CEP85L: variants seen among roughly 807,000 people sequenced by gnomAD.
The protein encoded by CEP85L is centrosomal protein of 85 kDa-like.
CEP85L carries 60 observed loss-of-function variants against 100.3 expected under a neutral mutation model. The observed-to-expected ratio is 0.60, with a 90% CI of 0.49 to 0.74. The LOEUF is 0.74. CEP85L is among the 30% of genes least tolerant of loss of function. The pLI, the probability that CEP85L is intolerant of heterozygous loss-of-function variation, is 0.00. For missense variants in CEP85L, 973 were observed against 936.2 expected (o/e 1.04, Z -0.51); for synonymous variants, 319 against 322.7 (o/e 0.99, Z 0.12).
intron 1 of CEP85L, among the ~76,000 whole-genome samples, chr6:118,686,773 C>A (rs975120210): frequency 1.8e-4 from 28 of 152,138 alleles, no homozygotes; most frequent in Non-Finnish European, 3.8e-4. Flanking sequence ...AATATTTAGG[C>A]CTGTTGTGTT....
At chr6:118,511,462 T>C (rs774077000) in intron 4 of CEP85L, 47 bp from the exon 5 acceptor site, 14 of 1,241,710 alleles carry the variant, frequency 1.1e-5, no homozygotes, top group Non-Finnish European at 9.4e-6. Flanking sequence ...AATTTTCTAA[T>C]AGTTAGAAGA....
intron 3 of CEP85L, among the ~76,000 whole-genome samples, chr6:118,527,002 C>CTTTTTTTTTTTTTTTTTT (rs764883723): frequency 1.0e-5 from 1 of 98,710 alleles, no homozygotes; most frequent in African/African-American, 4.1e-5. Flanking sequence ...TTTACTTTTT[C>CTTTTTTTTTTTTTTTTTT]TTTTTTTTTT....
At chr6:118,675,352 G>A (rs1236215624) in intron 1 of CEP85L, among the ~76,000 whole-genome samples, 1 of 151,994 alleles carries the variant, frequency 6.6e-6, no homozygotes, top group African/African-American at 2.4e-5. Flanking sequence ...GGGCAATAGG[G>A]AGTGATTGCT....
chr6:118,510,839 T>A (rs548904504), intron 5 of CEP85L, among the ~76,000 whole-genome samples: 1 of 152,198 alleles, frequency 6.6e-6, no homozygotes, highest in African/African-American at 2.4e-5. Context: ...GCAGGTAGAA[T>A]AAATTATGCT....
chr6:118,614,861 C>T (rs866575291), intron 2 of CEP85L, among the ~76,000 whole-genome samples: 1 of 142,050 alleles, frequency 7.0e-6, no homozygotes, highest in East Asian at 2.0e-4. Context: ...GACAGACAGA[C>T]AGACAGATAG....
intron 3 of CEP85L, among the ~76,000 whole-genome samples, chr6:118,562,529 A>T (rs1449189870): frequency 6.6e-6 from 1 of 151,952 alleles, no homozygotes; most frequent in Non-Finnish European, 1.5e-5. Context: ...ATATATGGCT[A>T]ATTCTTTTTA....
chr6:118,491,447 A>C (rs1774566632), intron 6 of CEP85L: 1 of 1,224,938 alleles, frequency 8.2e-7, no homozygotes, highest in Admixed American at 4.1e-5. Context: ...GTAGGCAATT[A>C]ATTTTTTAAA....
intron 2 of CEP85L, among the ~76,000 whole-genome samples, chr6:118,585,816 CA>C (rs1780824982): frequency 6.6e-6 from 1 of 152,196 alleles, no homozygotes. Context: ...CCTTCCTCCT[CA>C]AACCCAAAGA....
At chr6:118,551,638 C>A (rs1053624024) in intron 3 of CEP85L, among the ~76,000 whole-genome samples, 6 of 151,970 alleles carry the variant, frequency 3.9e-5, no homozygotes, top group Admixed American at 1.3e-4. Flanking sequence ...TTAATGAATT[C>A]TCCTCAAGAC....
chr6:118,681,245 TTTTG>T (rs1271031045), intron 1 of CEP85L, among the ~76,000 whole-genome samples: 3 of 152,166 alleles, frequency 2.0e-5, no homozygotes, highest in African/African-American at 4.8e-5. Context: ...GAGCCACAGG[TTTTG>T]TTTGTTTGTT....
At chr6:118,652,134 CG>C (rs1775606650), upstream of CEP85L, among the ~76,000 whole-genome samples, 1 of 152,048 alleles carries the variant, frequency 6.6e-6, no homozygotes, top group African/African-American at 2.4e-5. Context: ...AATATAGCAC[CG>C]GGATGTGCAC....
At chr6:118,671,301 T>G (rs1445632864) in intron 1 of CEP85L, among the ~76,000 whole-genome samples, 2 of 152,204 alleles carry the variant, frequency 1.3e-5, no homozygotes, top group Admixed American at 6.5e-5. Flanking sequence ...TATTATTTTC[T>G]TTTTTCTACA....
intron 2 of CEP85L, among the ~76,000 whole-genome samples, chr6:118,580,780 C>CT (rs1490578636): frequency 6.6e-6 from 1 of 152,220 alleles, no homozygotes; most frequent in Non-Finnish European, 1.5e-5. Flanking sequence ...GGTCATGAAA[C>CT]TTTCCTTCCT....
chr6:118,526,964 G>A (rs1272708786), intron 3 of CEP85L, among the ~76,000 whole-genome samples: 1 of 147,840 alleles, frequency 6.8e-6, no homozygotes, highest in East Asian at 2.0e-4. Context: ...GGGCTGCTCT[G>A]CCTGTGGCGC....
intron 2 of CEP85L, among the ~76,000 whole-genome samples, chr6:118,602,607 A>G (rs1273653495): frequency 6.6e-6 from 1 of 152,198 alleles, no homozygotes; most frequent in East Asian, 1.9e-4. Context: ...TGAGACTAGA[A>G]TTTAACAACA....
At chr6:118,708,743 T>G (rs1777680322) in intron 1 of CEP85L, among the ~76,000 whole-genome samples, 1 of 152,220 alleles carries the variant, frequency 6.6e-6, no homozygotes, top group Non-Finnish European at 1.5e-5. Context: ...TTTAAGATTT[T>G]TCCTTGAATA....
intron 2 of CEP85L, among the ~76,000 whole-genome samples, chr6:118,607,124 T>C (rs1033361676): frequency 6.6e-6 from 1 of 152,102 alleles, no homozygotes; most frequent in African/African-American, 2.4e-5. Context: ...AACAGAGACA[T>C]TAGCCACTCT....
intron 2 of CEP85L, among the ~76,000 whole-genome samples, chr6:118,570,417 T>C (rs997072877): frequency 2.6e-5 from 4 of 152,200 alleles, no homozygotes; most frequent in African/African-American, 7.2e-5. Context: ...TATCCAGTAA[T>C]GGGCTACTTT....
intron 1 of CEP85L, among the ~76,000 whole-genome samples, chr6:118,657,977 T>A (rs1775854446): frequency 6.6e-6 from 1 of 152,198 alleles, no homozygotes; most frequent in Non-Finnish European, 1.5e-5. Context: ...TAAGGTTTTT[T>A]TATTCCAAAG....
Sources: gnomAD v4.1 joint callset for allele counts (sites outside exome capture counted in the v4.1 genomes callset) on GRCh38, gnomAD v4.1.1 for gene constraint, MANE v1.5 for transcripts, NCBI Gene and HGNC (gene_info 2026-07-23, HGNC 2026-07-21) for gene names.